The following JARID2 variants were observed in gnomAD, a reference collection of about 807,000 sequenced individuals.
The protein encoded by JARID2 is jumonji and AT-rich interaction domain containing 2.
A neutral mutation model predicts 125.6 loss-of-function variants in JARID2; 21 were observed. The observed-to-expected ratio is 0.17, with a 90% CI of 0.12 to 0.24. The LOEUF (loss-of-function observed/expected upper bound fraction) is 0.24. Ranked by LOEUF, JARID2 falls within the 10% of genes least tolerant of loss-of-function variation. The pLI is 1.00. For synonymous variants in JARID2, 736 were observed against 661.6 expected, an observed-to-expected ratio of 1.11 and a Z score of -1.73; for missense variants, 1,303 against 1,639.6, an observed-to-expected ratio of 0.79 and a Z score of 3.55.
intron 1 of JARID2, among the ~76,000 whole-genome samples, chr6:15,266,651 C>G (rs912430055): frequency 1.3e-5 from 2 of 152,148 alleles, no homozygotes; most frequent in South Asian, 4.1e-4. Flanking sequence ...CATTTTAAGG[C>G]AAAACATTTT....
At chr6:15,257,995 G>A (rs1759732035) in intron 1 of JARID2, among the ~76,000 whole-genome samples, 1 of 152,182 alleles carries the variant, frequency 6.6e-6, no homozygotes, top group South Asian at 2.1e-4. Flanking sequence ...GTACAATGAT[G>A]TTCTTATTCT....
intron 1 of JARID2, among the ~76,000 whole-genome samples, chr6:15,271,980 G>GT (rs1165132255): frequency 6.6e-6 from 1 of 151,896 alleles, no homozygotes; most frequent in Non-Finnish European, 1.5e-5. Flanking sequence ...AGCCTGGGCG[G>GT]CAGAGCGAGA....
At chr6:15,511,877 T>C (rs1281283274) in intron 13 of JARID2, among the ~76,000 whole-genome samples, 1 of 152,176 alleles carries the variant, frequency 6.6e-6, no homozygotes, top group Non-Finnish European at 1.5e-5. Flanking sequence ...GCCCAGCCTG[T>C]GGGCCTGTGG....
At chr6:15,366,577 A>T (rs1176793074) in intron 1 of JARID2, among the ~76,000 whole-genome samples, 1 of 151,124 alleles carries the variant, frequency 6.6e-6, no homozygotes, top group African/African-American at 2.4e-5. Flanking sequence ...ATTTCTGTGA[A>T]TTTTAATAAA....
At chr6:15,402,713 TTGGAGG>T (rs993324728) in intron 2 of JARID2, among the ~76,000 whole-genome samples, 5 of 152,180 alleles carry the variant, frequency 3.3e-5, no homozygotes, top group Non-Finnish European at 7.3e-5. Flanking sequence ...GCTTTTGACC[TTGGAGG>T]TGGTCAGTTC....
intron 1 of JARID2, among the ~76,000 whole-genome samples, chr6:15,349,722 T>TAGTGCTGCATTCTATCAAA (rs2127479718): frequency 6.6e-6 from 1 of 152,228 alleles, no homozygotes; most frequent in African/African-American, 2.4e-5. Context: ...CCCCTTACGC[T>TAGTGCTGCATTCTATCAAA]AGTGCTGCAT....
At chr6:15,438,240 G>A (rs1470438305) in intron 3 of JARID2, among the ~76,000 whole-genome samples, 2 of 152,124 alleles carry the variant, frequency 1.3e-5, no homozygotes, top group Non-Finnish European at 2.9e-5. Context: ...CACAGTTAAA[G>A]ATGGATGCCT....
intron 5 of JARID2, among the ~76,000 whole-genome samples, chr6:15,486,859 T>G (rs1393820636): frequency 6.8e-6 from 1 of 146,886 alleles, no homozygotes; most frequent in Non-Finnish European, 1.5e-5. Context: ...TGATGGTTGA[T>G]TCTTTCTGAC....
chr6:15,474,423 C>G (rs1230411549), intron 5 of JARID2, among the ~76,000 whole-genome samples: 1 of 148,924 alleles, frequency 6.7e-6, no homozygotes, highest in African/African-American at 2.5e-5. Context: ...AATGTCTTTG[C>G]CACCATCGAA....
At chr6:15,324,231 A>G (rs1392727655) in intron 1 of JARID2, 2 of 151,044 alleles carry the variant, frequency 1.3e-5, no homozygotes, top group African/African-American at 4.9e-5. Flanking sequence ...TTTGATTTGT[A>G]TGAAGCCCAA....
intron 1 of JARID2, among the ~76,000 whole-genome samples, chr6:15,315,871 T>C (rs1329594037): frequency 6.6e-6 from 1 of 152,170 alleles, no homozygotes; most frequent in East Asian, 1.9e-4. Flanking sequence ...ATTTCAGACA[T>C]GAGTTTCTCA....
chr6:15,501,091 C>T lies in JARID2; in HGVS notation c.2130C>T (p.Ser710=), dbSNP rs746932022. Residue 710 remains serine (S), a synonymous_variant, in exon 8 of 18, where the codon TCC becomes TCT. Transcript: ENST00000341776. The stretch of plus-strand genomic sequence containing the variant: ...GCCAGTACCTACTCTCCTACGACTC[C>T]CTGTCCCCAGAGGAGCACCGGCGGC... ...AYCQYLLSYD[S]LSPEEHRRLE... 8.1e-6 allele frequency: 13 copies of T among 1,614,036 alleles called. No individual in the cohort carries two copies. The highest frequency in any genetic ancestry group is 1.3e-5 in the African/African-American group (1 of 74,932).
Position 15,496,260 on chromosome 6 carries a change from G to A in JARID2, c.1035G>A (p.Gly345=), listed in dbSNP as rs1561903653. ...TVKYTATVTK[G]AVTYTKAKRE... The stretch of plus-strand genomic sequence containing the variant: ...AGTACACTGCCACGGTGACGAAGGG[G>A]GCTGTCACATACACCAAAGCCAAGA... Residue 345 remains glycine, a synonymous_variant, in exon 7 of 18, where the codon GGG becomes GGA. Coordinates refer to ENST00000341776, the MANE Select transcript of JARID2 (RefSeq NM_004973.4). 1 of 1,614,168 alleles carries A rather than the reference G, an allele frequency of 6.2e-7. No individual in the cohort carries two copies.
chr6:15,272,712 A>G (rs903647505), intron 1 of JARID2, among the ~76,000 whole-genome samples: 1 of 152,208 alleles, frequency 6.6e-6, no homozygotes, highest in African/African-American at 2.4e-5. Context: ...CCTCAGGTTT[A>G]TGCAGCCATA....
chr6:15,490,945 T>C (rs573738913), intron 6 of JARID2, among the ~76,000 whole-genome samples: 2 of 152,228 alleles, frequency 1.3e-5, no homozygotes, highest in South Asian at 2.1e-4. Flanking sequence ...GAGAAGAAAA[T>C]GATCAACTGG....
At chr6:15,247,893 AC>A in intron 1 of JARID2, 1 of 985,390 alleles carries the variant, frequency 1.0e-6, no homozygotes, top group Non-Finnish European at 1.2e-6. Flanking sequence ...ACTAGTTTAA[AC>A]TCGGGCTGTA....
At chr6:15,456,898 T>TTTA (rs60705526) in intron 4 of JARID2, among the ~76,000 whole-genome samples, 3 of 149,618 alleles carry the variant, frequency 2.0e-5, no homozygotes, top group African/African-American at 7.4e-5. Context: ...TTTTTTTTTT[T>TTTA]ACAATCATAA....
chr6:15,485,038 C>CT (rs1425322446), intron 5 of JARID2, among the ~76,000 whole-genome samples: 5 of 152,186 alleles, frequency 3.3e-5, no homozygotes, highest in African/African-American at 1.2e-4. Context: ...ATACTGCCAG[C>CT]TTGGGCATGA....
At chr6:15,475,050 A>G (rs1175452008) in intron 5 of JARID2, among the ~76,000 whole-genome samples, 1 of 152,222 alleles carries the variant, frequency 6.6e-6, no homozygotes, top group Non-Finnish European at 1.5e-5. Flanking sequence ...TGTAATAAAT[A>G]CAGATCAAAT....
Sources: gnomAD v4.1 joint callset for allele counts (sites outside exome capture counted in the v4.1 genomes callset) on GRCh38, gnomAD v4.1.1 for gene constraint, MANE v1.5 for transcripts, NCBI Gene and HGNC (gene_info 2026-07-23, HGNC 2026-07-21) for gene names.